The following APBB2 variants were observed in gnomAD, a reference collection of about 807,000 sequenced individuals.
APBB2 encodes amyloid beta precursor protein binding family B member 2, also known as Fe65-like 1.
In APBB2, 38 loss-of-function variants were observed where a neutral mutation model predicts 82.5. The observed-to-expected ratio is 0.46, with a 90% CI of 0.36 to 0.60. The LOEUF (loss-of-function observed/expected upper bound fraction) is 0.60. Among genes scored for constraint, APBB2 ranks in the 20% least tolerant of loss-of-function variants. The probability of loss-of-function intolerance (pLI) is 0.00; values close to 1 mark genes in which losing one functional copy is unlikely to be tolerated. For synonymous variants in APBB2, 341 were observed against 368.2 expected (o/e 0.93, Z 0.85); for missense variants, 772 against 972.3 (o/e 0.79, Z 2.74).
At chr4:41,024,679 T>C (rs1713225315) in intron 5 of APBB2, among the ~76,000 whole-genome samples, 1 of 152,226 alleles carries the variant, frequency 6.6e-6, no homozygotes, top group South Asian at 2.1e-4. Flanking sequence ...TCCTTTCCCC[T>C]ATGAGTAAAA....
At chr4:41,027,877 C>CCT (rs1169873196) in intron 5 of APBB2, among the ~76,000 whole-genome samples, 1 of 152,232 alleles carries the variant, frequency 6.6e-6, no homozygotes, top group Non-Finnish European at 1.5e-5. Context: ...TCTGCCATCC[C>CCT]CTCCACGTCT....
At chr4:40,991,043 C>A (rs574733782) in intron 6 of APBB2, among the ~76,000 whole-genome samples, 1 of 123,962 alleles carries the variant, frequency 8.1e-6, no homozygotes, top group African/African-American at 2.9e-5. Context: ...AGGTTTCACT[C>A]TGTTGCCCAG....
chr4:40,936,065 C>T (rs1785302221), intron 7 of APBB2, among the ~76,000 whole-genome samples: 1 of 152,202 alleles, frequency 6.6e-6, no homozygotes, highest in Non-Finnish European at 1.5e-5. Flanking sequence ...TTAGGCAAAT[C>T]TGTTTGTATA....
intron 3 of APBB2, among the ~76,000 whole-genome samples, chr4:41,088,822 G>T (rs1431429335): frequency 6.6e-6 from 1 of 152,202 alleles, no homozygotes; most frequent in Non-Finnish European, 1.5e-5. Flanking sequence ...GATGAGGGAT[G>T]GAAAGGAAAA....
chr4:40,944,569 C>G (rs1023076409), intron 7 of APBB2, among the ~76,000 whole-genome samples: 21 of 152,180 alleles, frequency 1.4e-4, no homozygotes, highest in African/African-American at 4.6e-4. Context: ...GAGTAAAGTA[C>G]TGCCTCAGTG....
At chr4:41,102,824 G>A (rs148628524) in intron 2 of APBB2, among the ~76,000 whole-genome samples, 1 of 152,288 alleles carries the variant, frequency 6.6e-6, no homozygotes, top group East Asian at 1.9e-4. Context: ...CACTATTTAT[G>A]TATTTAACCA....
intron 6 of APBB2, among the ~76,000 whole-genome samples, chr4:40,990,556 G>T (rs945012055): frequency 5.3e-5 from 8 of 152,142 alleles, no homozygotes; most frequent in African/African-American, 1.9e-4. Context: ...AACAGCTCAG[G>T]ATTTCCACAG....
intron 1 of APBB2, among the ~76,000 whole-genome samples, chr4:41,211,642 C>T (rs1779347498): frequency 6.6e-6 from 1 of 151,900 alleles, no homozygotes; most frequent in Non-Finnish European, 1.5e-5. Context: ...GCCACCACAC[C>T]CGGCTAATTT....
At chr4:40,852,256 C>A (rs1334159816) in intron 12 of APBB2, among the ~76,000 whole-genome samples, 1 of 148,680 alleles carries the variant, frequency 6.7e-6, no homozygotes, top group Non-Finnish European at 1.5e-5. Context: ...GAGGCTGAGG[C>A]AGGAGAATCG....
chr4:41,143,858 T>C (rs894254718), intron 1 of APBB2, among the ~76,000 whole-genome samples: 3 of 152,208 alleles, frequency 2.0e-5, no homozygotes, highest in African/African-American at 7.2e-5. Context: ...ACGTATAACA[T>C]AACTGGGCAA....
At chr4:40,891,228 AAC>A (rs1771930129) in intron 11 of APBB2, among the ~76,000 whole-genome samples, 1 of 152,126 alleles carries the variant, frequency 6.6e-6, no homozygotes, top group Admixed American at 6.5e-5. Context: ...CAGGTTTCTC[AAC>A]TCCTGCACTA....
intron 4 of APBB2, among the ~76,000 whole-genome samples, chr4:41,050,117 AAAAAAAT>A (rs1448327823): frequency 6.7e-6 from 1 of 149,062 alleles, no homozygotes; most frequent in African/African-American, 2.6e-5. Context: ...TGATCAATAA[AAAAAAAT>A]AAAAATAAAA....
chr4:40,949,721 C>T (rs1789542989), intron 6 of APBB2, among the ~76,000 whole-genome samples: 3 of 150,918 alleles, frequency 2.0e-5, no homozygotes, highest in African/African-American at 7.3e-5. Flanking sequence ...GGAGACAAGG[C>T]AAGCGGCTGA....
chr4:40,922,293 T>C (rs1399097828), intron 10 of APBB2, among the ~76,000 whole-genome samples: 1 of 152,194 alleles, frequency 6.6e-6, no homozygotes, highest in Admixed American at 6.5e-5. Flanking sequence ...TTTGTTTCCT[T>C]CCCCAGTCTG....
chr4:40,962,023 C>G (rs989522847), intron 6 of APBB2, among the ~76,000 whole-genome samples: 1 of 152,152 alleles, frequency 6.6e-6, no homozygotes, highest in African/African-American at 2.4e-5. Flanking sequence ...AATTCTAGGT[C>G]AAGAGAGGAA....
chr4:41,211,186 T>TG lies in APBB2; in HGVS notation c.-417+3218dup, dbSNP rs537772396. Among the ~76,000 whole-genome samples, 22 of 151,462 alleles carry TG rather than the reference T, an allele frequency of 1.5e-4. No homozygotes were observed. In the East Asian group the frequency reaches 3.9e-3, roughly 27 times the overall value. On this transcript the variant is annotated intron_variant, in intron 1 of 17. Transcript: ENST00000508593. ...AGGAGAATTACTTGAACCTGGGAGG[T>TG]GGAGGTTACAGTGAGCCAAGATCGC...
At chr4:40,918,688 CTTCT>C (rs1432153811) in intron 10 of APBB2, among the ~76,000 whole-genome samples, 4 of 151,642 alleles carry the variant, frequency 2.6e-5, no homozygotes, top group African/African-American at 9.7e-5. Flanking sequence ...TCCTTCCTTC[CTTCT>C]TTCGGACGAC....
intron 1 of APBB2, among the ~76,000 whole-genome samples, chr4:41,196,454 T>C: frequency 6.6e-6 from 1 of 152,108 alleles, no homozygotes; most frequent in South Asian, 2.1e-4. Flanking sequence ...ACACATTCAA[T>C]GCAAAAAAAT....
rs929308143 is a variant in APBB2 at position 41,156,501 on chromosome 4, G to A, written c.-416-13359C>T. On this transcript the variant is annotated intron_variant, in intron 1 of 17. Coordinates refer to ENST00000508593, the MANE Select transcript of APBB2 (RefSeq NM_004307.2). Reference sequence around the variant, plus strand: ...ATTCATTTCTTTTCTTTCATTTCAGGAGAACATTTAGCAGTGTTTTGTTTT... The same window carrying A: ...ATTCATTTCTTTTCTTTCATTTCAGAAGAACATTTAGCAGTGTTTTGTTTT... Among the ~76,000 whole-genome samples, 6 of 152,128 alleles carry A rather than the reference G, an allele frequency of 3.9e-5. No homozygotes were observed. The South Asian group carries it at 1.0e-3, about 26-fold the overall frequency.
Sources: allele counts gnomAD v4.1 joint callset (sites outside exome capture counted in the v4.1 genomes callset), GRCh38; gene constraint gnomAD v4.1.1; transcripts MANE v1.5; gene names NCBI Gene and HGNC (gene_info 2026-07-23, HGNC 2026-07-21).